The following KIRREL3 variants were observed in gnomAD, a reference collection of about 807,000 sequenced individuals.
The protein encoded by KIRREL3 is kirre like nephrin family adhesion molecule 3.
KIRREL3 carries 36 observed loss-of-function variants against 89.7 expected under a neutral mutation model. The ratio of observed to expected loss-of-function variants is 0.40; its 90% CI spans 0.31 to 0.53. The LOEUF (loss-of-function observed/expected upper bound fraction) is 0.53, where lower values mean the gene tolerates loss of function less well. Among genes scored for constraint, KIRREL3 ranks in the 20% least tolerant of loss-of-function variants. KIRREL3 has a pLI of 0.49. For missense variants in KIRREL3, 864 were observed against 1,056.6 expected, an observed-to-expected ratio of 0.82 and a Z score of 2.53; for synonymous variants, 445 against 441.4, an observed-to-expected ratio of 1.01 and a Z score of -0.10.
chr11:126,431,609 G>T lies in KIRREL3; in HGVS notation c.1589-83C>A. The T allele has an allele frequency of 7.2e-7, 1 of 1,380,898 alleles. No individual in the cohort carries two copies. Among genetic ancestry groups the T allele is most frequent in the Non-Finnish European group, 1.0e-6 (1 of 1,004,514 alleles). The allele number at this position is 1,380,898 out of a possible 1,614,324, so 85.5% of individuals were successfully genotyped here. On this transcript the variant is annotated intron_variant, in intron 13 of 16. Coordinates refer to ENST00000525144, the MANE Select transcript of KIRREL3 (RefSeq NM_032531.4). The surrounding 1 kb of genome is among the most constrained non-coding windows in gnomAD (Gnocchi z 7.1). The stretch of plus-strand genomic sequence containing the variant: ...CATGATCTCACCCCGTTCCTGCGGG[G>T]GCAGCCCCTGCCACATGGGGCCCTC...
rs1432287725 is a variant in KIRREL3, at chr11:126,739,998, T to C, written c.56-177086A>G. 6.6e-6 allele frequency among the ~76,000 whole-genome samples: 1 copy of C among 152,090 alleles called. No homozygotes were observed. The highest frequency in any genetic ancestry group is 2.4e-5 in the African/African-American group (1 of 41,400). ...AGCTGCACTCTGAATTTGTCATGAC[T>C]CACTGGAGGGTAGGGTGTATGGAGG... On this transcript the variant is annotated intron_variant, in intron 1 of 16. Transcript: ENST00000525144. This position sits in a 1 kb window ranked among gnomAD's most constrained non-coding sequence, Gnocchi z 5.5.
rs1164564818 is a variant in KIRREL3, at chr11:126,931,401, A to G, written c.55+69054T>C. On this transcript the variant is annotated intron_variant, in intron 1 of 16. Transcript: ENST00000525144. This position sits in a 1 kb window ranked among gnomAD's most constrained non-coding sequence, Gnocchi z 5.1. ...CCCTACCCCACCCTACTTTCCTGTC[A>G]ATCACTCCACAAGCATTCACTGCTG... is the stretch of plus-strand genomic sequence containing the variant. Among the ~76,000 whole-genome samples, 1 of 152,082 alleles carries G rather than the reference A, an allele frequency of 6.6e-6. No homozygotes were observed. The highest frequency in any genetic ancestry group is 1.9e-4 in the East Asian group (1 of 5,170).
rs368005410 is a variant in KIRREL3 at position 126,555,661 on chromosome 11, G to T, written c.133+7174C>A. 2.6e-5 allele frequency among the ~76,000 whole-genome samples: 4 copies of T among 152,266 alleles called. No homozygotes were observed. In the South Asian group the frequency reaches 8.3e-4, roughly 32 times the overall value. On this transcript the variant is annotated intron_variant, in intron 2 of 16. Coordinates refer to ENST00000525144, the MANE Select transcript of KIRREL3 (RefSeq NM_032531.4). This position sits in a 1 kb window ranked among gnomAD's most constrained non-coding sequence, Gnocchi z 4.2. ...AAGGCCCATGTGACTGGAGCGCAGG[G>T]TGTTTAAGGGGGTAGGATGAAGTCA... is the stretch of plus-strand genomic sequence containing the variant.
intron 1 of KIRREL3, among the ~76,000 whole-genome samples, chr11:126,790,817 C>T (rs1399758035): frequency 6.6e-6 from 1 of 152,146 alleles, no homozygotes; most frequent in African/African-American, 2.4e-5. Context: ...GCGCTCTTCC[C>T]CCATCTCTGT....
chr11:126,629,337 T>C (rs1943920267), intron 1 of KIRREL3, among the ~76,000 whole-genome samples: 1 of 152,060 alleles, frequency 6.6e-6, no homozygotes, highest in Admixed American at 6.5e-5. Context: ...AGCTCATGAA[T>C]GAGTGGCAGC....
Position 126,677,912 on chromosome 11 carries a change from G to A in KIRREL3, c.56-115000C>T, listed in dbSNP as rs952127542. On this transcript the variant is annotated intron_variant, in intron 1 of 16. Coordinates refer to ENST00000525144, the MANE Select transcript of KIRREL3 (RefSeq NM_032531.4). This position sits in a 1 kb window ranked among gnomAD's most constrained non-coding sequence, Gnocchi z 5.1. Reference sequence around the variant, plus strand: ...TGATTATGGCTGTTGTCACCACCAAGCCCTGTCTTGTCATCAGCCTCAGTG... The same window carrying A: ...TGATTATGGCTGTTGTCACCACCAAACCCTGTCTTGTCATCAGCCTCAGTG... Among the ~76,000 whole-genome samples, 3 of 152,112 alleles carry A rather than the reference G, an allele frequency of 2.0e-5. No homozygotes were observed. The highest frequency in any genetic ancestry group is 4.4e-5 in the Non-Finnish European group (3 of 68,016).
chr11:126,700,262 T>C (rs747803184), intron 1 of KIRREL3, among the ~76,000 whole-genome samples: 3 of 151,892 alleles, frequency 2.0e-5, no homozygotes, highest in Non-Finnish European at 4.4e-5. Context: ...GAGCAGTAAC[T>C]TGACATCCTT....
chr11:126,429,867 T>C lies in KIRREL3; in HGVS notation c.1697-579A>G, dbSNP rs541564633. On this transcript the variant is annotated intron_variant, in intron 14 of 16. Coordinates refer to ENST00000525144, the MANE Select transcript of KIRREL3 (RefSeq NM_032531.4). This position sits in a 1 kb window ranked among gnomAD's most constrained non-coding sequence, Gnocchi z 5.2. Reference sequence around the variant, plus strand: ...TTAGAAAATTCTTGGCTGGGTGCGGTGGCTCACGCCTGTAATCCCAGCACT... The same window carrying C: ...TTAGAAAATTCTTGGCTGGGTGCGGCGGCTCACGCCTGTAATCCCAGCACT... Among the ~76,000 whole-genome samples the C allele has an allele frequency of 3.9e-5, 6 of 152,338 alleles. No individual in the cohort carries two copies. The East Asian group carries it at 1.2e-3, about 29-fold the overall frequency.
At chr11:126,832,743 G>C (rs1943652036) in intron 1 of KIRREL3, among the ~76,000 whole-genome samples, 1 of 152,196 alleles carries the variant, frequency 6.6e-6, no homozygotes, top group Admixed American at 6.5e-5. Context: ...AAGGGTCAGT[G>C]TGGCTCAGGA....
At chr11:126,832,953 T>G (rs1385281420) in intron 1 of KIRREL3, among the ~76,000 whole-genome samples, 1 of 152,170 alleles carries the variant, frequency 6.6e-6, no homozygotes. Context: ...ACGTTAAAGG[T>G]CTGCACTGAA....
intron 1 of KIRREL3, among the ~76,000 whole-genome samples, chr11:126,712,019 A>T (rs1383370926): frequency 6.6e-6 from 1 of 152,228 alleles, no homozygotes; most frequent in Admixed American, 6.5e-5. Flanking sequence ...TTTCTCAGCA[A>T]GGTGGTCCGG....
chr11:126,531,557 C>T lies in KIRREL3; in HGVS notation c.134-4870G>A, dbSNP rs1344821426. Among the ~76,000 whole-genome samples, 1 of 151,734 alleles carries T rather than the reference C, an allele frequency of 6.6e-6. No individual in the cohort carries two copies. The highest frequency in any genetic ancestry group is 1.5e-5 in the Non-Finnish European group (1 of 67,946). ...TGTCCTGGGATGCACTGCATCCCCCCACCCAAGGCTCCCCCACCCAAGGCC... is the reference window on the plus strand; with the variant it reads ...TGTCCTGGGATGCACTGCATCCCCCTACCCAAGGCTCCCCCACCCAAGGCC... On this transcript the variant is annotated intron_variant, in intron 2 of 16. Transcript: ENST00000525144. This position sits in a 1 kb window ranked among gnomAD's most constrained non-coding sequence, Gnocchi z 4.7.
intron 1 of KIRREL3, among the ~76,000 whole-genome samples, chr11:126,815,670 A>T (rs774932553): frequency 1.3e-5 from 2 of 151,992 alleles, no homozygotes; most frequent in Non-Finnish European, 2.9e-5. Flanking sequence ...AGTAGCTGGG[A>T]CTACAGGCAG....
chr11:126,789,658 G>A (rs1239962346), intron 1 of KIRREL3, among the ~76,000 whole-genome samples: 4 of 152,094 alleles, frequency 2.6e-5, no homozygotes, highest in Non-Finnish European at 5.9e-5. Context: ...CCATCTCCCC[G>A]GAGTTGTAGG....
chr11:126,929,758 A>G (rs557573708), intron 1 of KIRREL3, among the ~76,000 whole-genome samples: 2 of 152,150 alleles, frequency 1.3e-5, no homozygotes, highest in Non-Finnish European at 2.9e-5. Context: ...ATGGCTTCCA[A>G]TTTCCATTCA....
chr11:126,546,081 T>C (rs1468671531), intron 2 of KIRREL3, among the ~76,000 whole-genome samples: 1 of 152,236 alleles, frequency 6.6e-6, no homozygotes, highest in East Asian at 1.9e-4. Context: ...AAGTAATGAC[T>C]GTGGTGTTTG....
Position 126,537,602 on chromosome 11 carries a change from C to T in KIRREL3, c.134-10915G>A, listed in dbSNP as rs189401025. ...CACCTGTCGGAGCCTGGGTCCTGGACAGTAGGAAGAACACAGGGTCAGTCA... is the reference window on the plus strand; with the variant it reads ...CACCTGTCGGAGCCTGGGTCCTGGATAGTAGGAAGAACACAGGGTCAGTCA... On this transcript the variant is annotated intron_variant, in intron 2 of 16. Transcript: ENST00000525144. This position sits in a 1 kb window ranked among gnomAD's most constrained non-coding sequence, Gnocchi z 4.3. 2.6e-5 allele frequency among the ~76,000 whole-genome samples: 4 copies of T among 152,160 alleles called. No homozygotes were observed. The highest frequency in any genetic ancestry group is 1.9e-4 in the East Asian group (1 of 5,184).
intron 1 of KIRREL3, among the ~76,000 whole-genome samples, chr11:126,717,916 C>T (rs1047141543): frequency 6.6e-6 from 1 of 152,128 alleles, no homozygotes; most frequent in African/African-American, 2.4e-5. Context: ...CCATCATAAA[C>T]GGCACAAATG....
intron 1 of KIRREL3, among the ~76,000 whole-genome samples, chr11:126,794,431 G>C (rs1950741908): frequency 6.6e-6 from 1 of 152,084 alleles, no homozygotes; most frequent in Non-Finnish European, 1.5e-5. Context: ...GTATAACCTT[G>C]GGTTTTTCAT....
Sources: allele counts gnomAD v4.1 joint callset (sites outside exome capture counted in the v4.1 genomes callset), GRCh38; gene constraint gnomAD v4.1.1; non-coding constraint Gnocchi (gnomAD v3.1); transcripts MANE v1.5; gene names NCBI Gene and HGNC (gene_info 2026-07-23, HGNC 2026-07-21).